ANKRD44: variants seen among roughly 807,000 people sequenced by gnomAD.
ANKRD44 encodes the protein serine/threonine-protein phosphatase 6 regulatory ankyrin repeat subunit B.
ANKRD44 carries 35 observed loss-of-function variants against 116.0 expected under a neutral mutation model. The observed-to-expected ratio is 0.30, with a 90% CI of 0.23 to 0.40. The LOEUF (loss-of-function observed/expected upper bound fraction) is 0.40. ANKRD44 is among the 10% of genes least tolerant of loss of function. The pLI is 1.00. For synonymous variants in ANKRD44, 435 were observed against 461.8 expected, an observed-to-expected ratio of 0.94 and a Z score of 0.74; for missense variants, 1,014 against 1,242.6, an observed-to-expected ratio of 0.82 and a Z score of 2.77.
chr2:197,115,019 C>A (rs1390200881), intron 8 of ANKRD44, among the ~76,000 whole-genome samples: 1 of 152,194 alleles, frequency 6.6e-6, no homozygotes, highest in Non-Finnish European at 1.5e-5. Context: ...CCACCTTCAA[C>A]TTCTCCAACA....
intron 16 of ANKRD44, among the ~76,000 whole-genome samples, chr2:197,040,866 G>A (rs2076897879): frequency 6.6e-6 from 1 of 152,112 alleles, no homozygotes; most frequent in Non-Finnish European, 1.5e-5. Context: ...GATGCTCCTT[G>A]GAAAGCTTTA....
intron 17 of ANKRD44, chr2:197,015,648 C>A: frequency 1.8e-6 from 1 of 554,240 alleles, no homozygotes; most frequent in Non-Finnish European, 3.3e-6. Flanking sequence ...AAGGTGGTGG[C>A]AGCAGAGGTA....
At position 197,224,016 on chromosome 2, in the gene ANKRD44, A is replaced by G. The variant is rs1013932681; in HGVS notation, c.28-36910T>C. Among the ~76,000 whole-genome samples, 3 of 152,254 alleles carry G rather than the reference A, an allele frequency of 2.0e-5. No homozygotes were observed. The South Asian group carries it at 6.2e-4, about 31-fold the overall frequency. Reference sequence around the variant, plus strand: ...TATGTGTTATAGAATGCATTTTTAAAAAGAAATTTCCATCTGTATTTATGA... The same window carrying G: ...TATGTGTTATAGAATGCATTTTTAAGAAGAAATTTCCATCTGTATTTATGA... On this transcript the variant is annotated intron_variant, in intron 1 of 27. Transcript: ENST00000282272.
chr2:197,102,035 C>T (rs1054137953), intron 9 of ANKRD44, among the ~76,000 whole-genome samples: 1 of 151,658 alleles, frequency 6.6e-6, no homozygotes, highest in Admixed American at 6.6e-5. Context: ...GTTTATGCTT[C>T]TGTGTTTCGC....
At chr2:197,032,218 C>CA (rs2076720449) in intron 16 of ANKRD44, among the ~76,000 whole-genome samples, 1 of 152,240 alleles carries the variant, frequency 6.6e-6, no homozygotes, top group African/African-American at 2.4e-5. Flanking sequence ...TCCACTCTGG[C>CA]TGCCGTGTGG....
rs147529433 is a variant in ANKRD44, at chr2:197,147,093, G to A, written c.124C>T (p.Arg42Ter). 12 of 1,613,706 alleles carry A rather than the reference G, an allele frequency of 7.4e-6. No individual in the cohort carries two copies. Among genetic ancestry groups the A allele is most frequent in the Non-Finnish European group, 9.3e-6 (11 of 1,179,686 alleles). The change falls in exon 3 of 28, where the codon CGA becomes TGA. Residue 42 changes from arginine (R) to a stop codon, truncating the protein, a stop_gained. Transcript: ENST00000282272. LOFTEE classifies it high-confidence loss of function. ...AATGCGGCCACATGAAGAGGGGTTC[G>A]TTTCTCAGAATCCTGAAATACACAA... Reference protein sequence around the residue: ...EDVNTLDSEKRTPLHVAAFLG... With the variant: ...EDVNTLDSEK
intron 1 of ANKRD44, among the ~76,000 whole-genome samples, chr2:197,287,878 G>T (rs543991223): frequency 2.6e-5 from 4 of 151,852 alleles, no homozygotes; most frequent in Admixed American, 2.6e-4. Flanking sequence ...AAATTAGCCC[G>T]GTGTGGTGGC....
chr2:197,278,505 C>T (rs1423802158), intron 1 of ANKRD44, among the ~76,000 whole-genome samples: 4 of 151,928 alleles, frequency 2.6e-5, no homozygotes, highest in Admixed American at 6.6e-5. Flanking sequence ...TACAGGCACG[C>T]ACCACCACGC....
Position 197,125,449 on chromosome 2 carries a change from G to A in ANKRD44, c.482C>T (p.Ala161Val). The A allele has an allele frequency of 6.2e-7, 1 of 1,613,904 alleles. No homozygotes were observed. The highest frequency in any genetic ancestry group is 8.5e-7 in the Non-Finnish European group (1 of 1,180,014). Residue 161 changes from alanine (A) to valine (V), a missense_variant, in exon 6 of 28, where the codon GCC (alanine) becomes GTC (valine). Physicochemically the swap from Ala to Val is moderately conservative, Grantham distance 64. Transcript: ENST00000282272. ...AAATGCATTGATATTTGCCCCTTTG[G>A]CCAAGAGTAAATTGACCATCTGAAA... is the stretch of plus-strand genomic sequence containing the variant. The part of the protein sequence containing the change: ...GHVEMVNLLL[A>V]KGANINAFDK...
chr2:197,154,383 G>T (rs1574564744), intron 2 of ANKRD44, among the ~76,000 whole-genome samples: 1 of 151,510 alleles, frequency 6.6e-6, no homozygotes, highest in African/African-American at 2.4e-5. Context: ...GTTTCACCAT[G>T]TTAGCCAGGA....
intron 17 of ANKRD44, among the ~76,000 whole-genome samples, chr2:197,019,623 C>T (rs963730637): frequency 2.0e-5 from 3 of 152,140 alleles, no homozygotes; most frequent in African/African-American, 7.2e-5. Context: ...AGGCTTTTCA[C>T]TAGTGAATAT....
At chr2:197,090,150 G>A in intron 10 of ANKRD44, 118 bp from the exon 11 acceptor site, 1 of 706,068 alleles carries the variant, frequency 1.4e-6, no homozygotes, top group Non-Finnish European at 2.4e-6. Context: ...AGGGAGTCTT[G>A]GCTGAAATAA....
intron 16 of ANKRD44, chr2:197,078,482 T>C (rs2077721952): frequency 7.8e-7 from 1 of 1,289,320 alleles, no homozygotes; most frequent in African/African-American, 1.5e-5. Flanking sequence ...TGTGCTGTGC[T>C]TAAAAGCCTT....
intron 10 of ANKRD44, among the ~76,000 whole-genome samples, chr2:197,093,174 TAC>T (rs2078082480): frequency 6.6e-6 from 1 of 151,810 alleles, no homozygotes; most frequent in African/African-American, 2.4e-5. Context: ...ATAATATATA[TAC>T]AATATAGTTT....
intron 1 of ANKRD44, among the ~76,000 whole-genome samples, chr2:197,193,124 A>T (rs2080862649): frequency 6.6e-6 from 1 of 152,220 alleles, no homozygotes; most frequent in South Asian, 2.1e-4. Flanking sequence ...TTATTACCTA[A>T]TCTTTTCCCA....
intron 8 of ANKRD44, among the ~76,000 whole-genome samples, chr2:197,114,766 G>A (rs762515444): frequency 6.6e-6 from 1 of 152,076 alleles, no homozygotes; most frequent in Non-Finnish European, 1.5e-5. Context: ...TCCAACCTGC[G>A]GTTAGGGGTG....
At position 196,999,048 on chromosome 2, in the gene ANKRD44, G is replaced by A. The variant is rs768009425; in HGVS notation, c.2524C>T (p.Pro842Ser). The A allele has an allele frequency of 1.2e-6, 2 of 1,613,178 alleles. No homozygotes were observed. Among genetic ancestry groups the A allele is most frequent in the Non-Finnish European group, 1.7e-6 (2 of 1,179,680 alleles). Residue 842 changes from proline (P) to serine (S), a missense_variant, in exon 24 of 28, where the codon CCC becomes TCC. Transcript: ENST00000282272. ...VSCRDDKGRT[P>S]LHAAAFADHV... ...TCAGCAAATGCTGCCGCATGAAGGG[G>A]TGTCCTAAAGATTTAAAACAAGTAT...
rs2075854827 is a variant in ANKRD44, at chr2:196,987,812, T to G, written c.*1779A>C. The G allele has an allele frequency of 4.1e-6, 4 of 985,162 alleles. No individual in the cohort carries two copies. Among genetic ancestry groups the G allele is most frequent in the Non-Finnish European group, 4.8e-6 (4 of 829,830 alleles). 61.0% of individuals were successfully genotyped at this position (985,162 alleles called of 1,614,324 possible). A position where few individuals can be genotyped will look rare whatever the true frequency, so the allele number is the denominator to read the frequency against. ...CTAAAAATAACACAAATAAAAGCAC[T>G]AAGCAACTAAGACTCAGTTAAAAAC... On this transcript the variant is annotated 3_prime_UTR_variant, in exon 28 of 28. Coordinates refer to ENST00000282272, the MANE Select transcript of ANKRD44 (RefSeq NM_001195144.2).
chr2:197,163,888 A>G (rs2080032717), intron 2 of ANKRD44, among the ~76,000 whole-genome samples: 1 of 152,200 alleles, frequency 6.6e-6, no homozygotes, highest in African/African-American at 2.4e-5. Flanking sequence ...TCGGCCCTCC[A>G]AAGTGCTAGA....
Sources: gnomAD v4.1 joint callset for allele counts (sites outside exome capture counted in the v4.1 genomes callset) on GRCh38, gnomAD v4.1.1 for gene constraint, MANE v1.5 for transcripts, NCBI Gene and HGNC (gene_info 2026-07-23, HGNC 2026-07-21) for gene names.